Variants in MAPK6 observed in about 807,000 individuals in gnomAD.
MAPK6 encodes mitogen-activated protein kinase 6.
Under a neutral mutation model 59.3 loss-of-function variants are expected in MAPK6, and 19 were observed. That is an observed-to-expected ratio of 0.32 (90% CI 0.22 to 0.47). MAPK6 has a LOEUF of 0.47. MAPK6 is among the 20% of genes least tolerant of loss of function. The pLI is 1.00. For synonymous variants in MAPK6, 316 were observed against 290.3 expected (o/e 1.09, Z -0.90); for missense variants, 724 against 847.9 (o/e 0.85, Z 1.81).
chr15:52,024,266 T>A (rs1000673731), intron 1 of MAPK6, among the ~76,000 whole-genome samples: 1 of 152,210 alleles, frequency 6.6e-6, no homozygotes, highest in African/African-American at 2.4e-5. Flanking sequence ...AGATCTAAGA[T>A]CTTGGTACTG....
At chr15:52,026,188 C>T (rs1423489087) in intron 1 of MAPK6, among the ~76,000 whole-genome samples, 1 of 152,228 alleles carries the variant, frequency 6.6e-6, no homozygotes, top group Non-Finnish European at 1.5e-5. Context: ...CCTAGTCCCT[C>T]TAGGCTTGTT....
chr15:52,019,462 GCGGCGACGGCGGAGC>G (rs967665738), intron 1 of MAPK6, 86 bp downstream of exon 1: 4 of 147,456 alleles, frequency 2.7e-5, no homozygotes, highest in African/African-American at 9.8e-5. Context: ...GGCGGCGGCG[GCGGCGACGGCGGAGC>G]CGGCTCCCTC....
chr15:52,022,848 C>T (rs981364017), intron 1 of MAPK6, among the ~76,000 whole-genome samples: 3 of 151,968 alleles, frequency 2.0e-5, no homozygotes, highest in African/African-American at 7.2e-5. Context: ...CAGTGGCTAA[C>T]GCTTGTAATC....
At chr15:51,981,884 A>T (rs2057174635) in intron 1 of MAPK6, among the ~76,000 whole-genome samples, 1 of 152,172 alleles carries the variant, frequency 6.6e-6, no homozygotes, top group African/African-American at 2.4e-5. Context: ...TGAAAATGAG[A>T]AGTATAAGGA....
At chr15:52,026,593 T>A (rs532366543) in intron 1 of MAPK6, among the ~76,000 whole-genome samples, 1 of 152,146 alleles carries the variant, frequency 6.6e-6, no homozygotes, top group South Asian at 2.1e-4. Flanking sequence ...TGCCTGGCCT[T>A]AACCTCCCAC....
chr15:52,059,927 A>G (rs1370727795), intron 4 of MAPK6, among the ~76,000 whole-genome samples: 1 of 152,238 alleles, frequency 6.6e-6, no homozygotes, highest in Admixed American at 6.5e-5. Flanking sequence ...AAAAGAATAC[A>G]TGTTCTCACC....
At position 52,037,574 on chromosome 15, in the gene MAPK6, G is replaced by C. The variant is rs529423466; in HGVS notation, c.-631-8256G>C. 1.3e-3 allele frequency among the ~76,000 whole-genome samples: 193 copies of C among 152,270 alleles called. 2 individuals carry two copies. The highest frequency in any genetic ancestry group is 4.5e-3 in the African/African-American group (186 of 41,546). ...CCATCACCTCAACAAGATAAGATGA[G>C]AGCTGTAACAAAGCTGAAGTGTTTC... On this transcript the variant is annotated intron_variant, in intron 1 of 5. Coordinates refer to ENST00000261845, the MANE Select transcript of MAPK6 (RefSeq NM_002748.4).
At chr15:51,987,006 T>G (rs1226935755) in intron 2 of MAPK6, among the ~76,000 whole-genome samples, 1 of 152,086 alleles carries the variant, frequency 6.6e-6, no homozygotes, top group Non-Finnish European at 1.5e-5. Context: ...AATGGCAGTT[T>G]GCAAAAAAAG....
At position 52,063,992 on chromosome 15, in the gene MAPK6, C is replaced by T. The variant is rs768674995; in HGVS notation, c.1158C>T (p.Ser386=). The T allele has an allele frequency of 1.0e-4, 161 of 1,613,452 alleles. No homozygotes were observed. The highest frequency in any genetic ancestry group is 2.2e-4 in the East Asian group (10 of 44,864). Residue 386 remains serine, a synonymous_variant, in exon 6 of 6, where the codon TCC becomes TCT. Transcript: ENST00000261845. Reference sequence around the variant, plus strand: ...TTCAGCTTGATCCAAGAGCTCTGTCCGATGTCACTGATGAAGAAGAAGTAC... The same window carrying T: ...TTCAGCTTGATCCAAGAGCTCTGTCTGATGTCACTGATGAAGAAGAAGTAC... The part of the protein sequence containing the change: ...DEVQLDPRAL[S]DVTDEEEVQV...
At chr15:51,976,004 C>T (rs376548911) in intron 1 of MAPK6, among the ~76,000 whole-genome samples, 1 of 151,764 alleles carries the variant, frequency 6.6e-6, no homozygotes, top group African/African-American at 2.4e-5. Flanking sequence ...CGGTGGCTCA[C>T]GCCTGTAATC....
At chr15:52,014,438 C>T (rs901508387), upstream of MAPK6, among the ~76,000 whole-genome samples, 9 of 152,026 alleles carry the variant, frequency 5.9e-5, no homozygotes, top group East Asian at 1.9e-4. Flanking sequence ...AGCCCAGGTG[C>T]GGTGGCTCAT....
intron 1 of MAPK6, chr15:52,033,849 A>T (rs1376816025): frequency 6.7e-6 from 1 of 149,664 alleles, no homozygotes; most frequent in Non-Finnish European, 1.5e-5. Context: ...TTCTTTTGGT[A>T]CTTAAAACAT....
chr15:52,064,110 C>A lies in MAPK6; in HGVS notation c.1276C>A (p.Gln426Lys). Residue 426 changes from glutamine (Q) to lysine (K), a missense_variant, in exon 6 of 6, where the codon CAA (glutamine) becomes AAA (lysine). Physicochemically the swap from Gln to Lys is moderately conservative, Grantham distance 53. This residue lies in a region of MAPK6 where 502 missense variants were observed against 507.6 expected (regional missense o/e 0.99). Transcript: ENST00000261845. ...CAATTACTCTACTGAGCCTTGTTGG[C>A]AATACTCAGATCATCATGAAAACAA... ...DTNYSTEPCW[Q>K]YSDHHENKYC... is the part of the protein sequence containing the mutation. The A allele has an allele frequency of 6.2e-7, 1 of 1,611,488 alleles. No homozygotes were observed. The highest frequency in any genetic ancestry group is 8.5e-7 in the Non-Finnish European group (1 of 1,178,462).
chr15:51,998,746 A>G (rs1484815287), intron 2 of MAPK6, among the ~76,000 whole-genome samples: 1 of 112,330 alleles, frequency 8.9e-6, no homozygotes, highest in Non-Finnish European at 1.7e-5. Flanking sequence ...GCTGGAGTGC[A>G]GTGGCGCAAT....
chr15:51,997,456 C>T (rs890440577), intron 2 of MAPK6, among the ~76,000 whole-genome samples: 2 of 151,426 alleles, frequency 1.3e-5, no homozygotes, highest in Non-Finnish European at 2.9e-5. Context: ...CAGGGTTTCA[C>T]CACATTGGCC....
At chr15:51,984,447 A>ATTTTTTTTTTTTTTTTTTTTT (rs71130112) in intron 2 of MAPK6, among the ~76,000 whole-genome samples, 10 of 69,980 alleles carry the variant, frequency 1.4e-4, no homozygotes, top group African/African-American at 4.6e-4. Context: ...ACGCCGGCTA[A>ATTTTTTTTTTTTTTTTTTTTT]TTTTTTTTTT....
intron 1 of MAPK6, among the ~76,000 whole-genome samples, chr15:52,024,920 T>A (rs2030704606): frequency 7.3e-6 from 1 of 136,372 alleles, no homozygotes; most frequent in African/African-American, 2.7e-5. Context: ...GGAGTCTCAC[T>A]GTGTTGCCCA....
At chr15:52,058,821 TCA>T in intron 4 of MAPK6, 24 bp downstream of exon 4, 1 of 1,588,818 alleles carries the variant, frequency 6.3e-7, no homozygotes, top group Non-Finnish European at 8.6e-7. Flanking sequence ...AGAGTAACCC[TCA>T]CGTTAATGCC....
At chr15:52,000,496 T>C (rs1042002086) in intron 2 of MAPK6, among the ~76,000 whole-genome samples, 1 of 152,220 alleles carries the variant, frequency 6.6e-6, no homozygotes, top group Non-Finnish European at 1.5e-5. Flanking sequence ...TCTCATATAA[T>C]TGTTCTGGCA....
Sources: allele counts gnomAD v4.1 joint callset (sites outside exome capture counted in the v4.1 genomes callset), GRCh38; gene constraint gnomAD v4.1.1; regional missense constraint gnomAD v4.1.1; transcripts MANE v1.5; gene names NCBI Gene and HGNC (gene_info 2026-07-23, HGNC 2026-07-21).